Variants in COMMD1 observed in about 807,000 individuals in gnomAD.
The protein encoded by COMMD1 is COMM domain-containing protein 1.
In COMMD1, 10 loss-of-function variants were observed where a neutral mutation model predicts 17.2. That is an observed-to-expected ratio of 0.58 (90% CI 0.36 to 0.99). The LOEUF is 0.99. Ranked by LOEUF, COMMD1 falls within the 50% of genes least tolerant of loss-of-function variation. The pLI is 0.01. For synonymous variants in COMMD1, 97 were observed against 91.6 expected, an observed-to-expected ratio of 1.06 and a Z score of -0.34; for missense variants, 270 against 231.8, an observed-to-expected ratio of 1.17 and a Z score of -1.07.
At chr2:62,043,247 A>G (rs1447250438) in intron 2 of COMMD1, among the ~76,000 whole-genome samples, 1 of 152,244 alleles carries the variant, frequency 6.6e-6, no homozygotes, top group Non-Finnish European at 1.5e-5. Context: ...AGATACTTCT[A>G]CTTAACTAAT....
intron 1 of COMMD1, among the ~76,000 whole-genome samples, chr2:61,955,447 T>C (rs1671173732): frequency 6.6e-6 from 1 of 152,172 alleles, no homozygotes; most frequent in African/African-American, 2.4e-5. Context: ...ACTTCTTTTC[T>C]TTTGAACTGC....
chr2:61,913,366 CAAA>C (rs767142777), intron 1 of COMMD1, among the ~76,000 whole-genome samples: 5 of 41,986 alleles, frequency 1.2e-4, no homozygotes, highest in Admixed American at 2.7e-4. Context: ...GACTCCATCT[CAAA>C]AAAAAAAAAA....
At position 62,123,496 on chromosome 2, in the gene COMMD1, CAT is replaced by C. The variant is rs1191079039; in HGVS notation, c.463-12334_463-12333del. On this transcript the variant is annotated intron_variant, in intron 2 of 2. Transcript: ENST00000311832. Reference sequence around the variant, plus strand: ...CTCCAGCCTGGGCAACAAAGCAAGACATGTGAAAAAAAAATTAAAAAAAAAGA... The same window carrying C: ...CTCCAGCCTGGGCAACAAAGCAAGACGTGAAAAAAAAATTAAAAAAAAAGA... 7.0e-5 allele frequency among the ~76,000 whole-genome samples: 5 copies of C among 71,026 alleles called. No individual in the cohort carries two copies. The East Asian group carries it at 1.8e-3, about 26-fold the overall frequency. 46.6% of individuals were successfully genotyped at this position (71,026 alleles called of 152,430 possible).
chr2:62,114,807 G>C (rs566181048), intron 2 of COMMD1, among the ~76,000 whole-genome samples: 44 of 152,318 alleles, frequency 2.9e-4, no homozygotes, highest in Admixed American at 9.2e-4. Flanking sequence ...CGATGCATGT[G>C]TACAAGGCAG....
chr2:61,947,716 C>CTTT (rs543333587), intron 1 of COMMD1, among the ~76,000 whole-genome samples: 44 of 132,240 alleles, frequency 3.3e-4, no homozygotes, highest in African/African-American at 1.2e-3. Context: ...TTTTTTTGTA[C>CTTT]TTTTTTTTTT....
rs188873162 is a variant in COMMD1 at position 61,960,579 on chromosome 2, G to T, written c.181-40122G>T. 2.6e-3 allele frequency among the ~76,000 whole-genome samples: 397 copies of T among 152,262 alleles called. 9 individuals carry two copies. Among genetic ancestry groups the T allele is most frequent in the Admixed American group, 0.023 (355 of 15,298 alleles). On this transcript the variant is annotated intron_variant, in intron 1 of 2. Transcript: ENST00000311832. ...GGCAGTAAGTCCTTGTAGAGCTTGG[G>T]TTATGCTCCCATTGGGGGCAGTGTT... is the stretch of plus-strand genomic sequence containing the variant.
chr2:61,939,359 G>A (rs1334062862), intron 1 of COMMD1, among the ~76,000 whole-genome samples: 2 of 151,620 alleles, frequency 1.3e-5, no homozygotes, highest in Non-Finnish European at 2.9e-5. Flanking sequence ...CCAGCTACTC[G>A]GGAGGCTGAG....
At chr2:61,926,226 C>G (rs1186388507) in intron 1 of COMMD1, among the ~76,000 whole-genome samples, 2 of 152,160 alleles carry the variant, frequency 1.3e-5, no homozygotes, top group Non-Finnish European at 2.9e-5. Flanking sequence ...CTGCCTCGGC[C>G]TCCTGAATTG....
intron 2 of COMMD1, chr2:62,055,442 T>A (rs1288109540): frequency 1.3e-5 from 6 of 455,954 alleles, no homozygotes; most frequent in Non-Finnish European, 2.6e-5. Context: ...AATTACAGGT[T>A]CATTGCAACC....
intron 1 of COMMD1, among the ~76,000 whole-genome samples, chr2:61,982,560 C>T (rs977202520): frequency 6.6e-6 from 1 of 152,094 alleles, no homozygotes; most frequent in African/African-American, 2.4e-5. Context: ...TGTGGTGTTC[C>T]AGATATTAGA....
At chr2:62,106,742 T>G (rs1192233299) in intron 2 of COMMD1, among the ~76,000 whole-genome samples, 1 of 152,164 alleles carries the variant, frequency 6.6e-6, no homozygotes, top group Admixed American at 6.5e-5. Context: ...GTAGTAATTA[T>G]TGGCCATCTG....
intron 1 of COMMD1, among the ~76,000 whole-genome samples, chr2:61,963,834 G>A (rs1214816007): frequency 6.6e-6 from 1 of 152,210 alleles, no homozygotes; most frequent in African/African-American, 2.4e-5. Context: ...CCGTCAGCAT[G>A]TAGAATTGCA....
chr2:62,073,401 A>G (rs1336728675), intron 2 of COMMD1, among the ~76,000 whole-genome samples: 3 of 152,288 alleles, frequency 2.0e-5, no homozygotes, highest in Non-Finnish European at 4.4e-5. Flanking sequence ...GACCTCCACC[A>G]TCCTCTAATC....
intron 1 of COMMD1, among the ~76,000 whole-genome samples, chr2:61,910,877 G>A (rs1347011202): frequency 6.6e-6 from 1 of 151,560 alleles, no homozygotes; most frequent in Admixed American, 6.6e-5. Flanking sequence ...TGAAGTCCCT[G>A]GTTCAAGATC....
rs552446563 is a variant in COMMD1, at chr2:62,060,459, C to T, written c.462+59477C>T. Among the ~76,000 whole-genome samples the T allele has an allele frequency of 6.9e-4, 105 of 152,136 alleles. 1 individual carries two copies. The South Asian group carries it at 0.011, about 16-fold the overall frequency. On this transcript the variant is annotated intron_variant, in intron 2 of 2. Coordinates refer to ENST00000311832, the MANE Select transcript of COMMD1 (RefSeq NM_152516.4). Reference sequence around the variant, plus strand: ...ATGGTTTTTTCTTAATGTGGTAACCCGTATTTCAATATTATAACTTTTGCT... The same window carrying T: ...ATGGTTTTTTCTTAATGTGGTAACCTGTATTTCAATATTATAACTTTTGCT...
At chr2:62,128,098 C>T (rs1672932006) in intron 2 of COMMD1, among the ~76,000 whole-genome samples, 1 of 150,770 alleles carries the variant, frequency 6.6e-6, no homozygotes, top group African/African-American at 2.4e-5. Flanking sequence ...GAGGCTGAGG[C>T]AGGTGGATCA....
chr2:62,108,029 C>T (rs1310272595), intron 2 of COMMD1, among the ~76,000 whole-genome samples: 1 of 152,100 alleles, frequency 6.6e-6, no homozygotes, highest in Non-Finnish European at 1.5e-5. Context: ...CATGCCAGCC[C>T]ATAATTCTAC....
rs1445151980 is a variant in COMMD1 at position 61,911,331 on chromosome 2, C to T, written c.180+5473C>T. ...CTCTATTAAAAATACAAAAAATTAG[C>T]TGGTTGTAGCAGCAGGTGCTTATAA... On this transcript the variant is annotated intron_variant, in intron 1 of 2. Transcript: ENST00000311832. 2.6e-5 allele frequency among the ~76,000 whole-genome samples: 4 copies of T among 152,050 alleles called. No homozygotes were observed. The East Asian group carries it at 7.7e-4, about 29-fold the overall frequency.
intron 2 of COMMD1, among the ~76,000 whole-genome samples, chr2:62,007,609 C>T (rs1669156273): frequency 6.6e-6 from 1 of 152,082 alleles, no homozygotes; most frequent in Admixed American, 6.6e-5. Context: ...TAATACTTAT[C>T]ATTGTGTTGC....
Sources: gnomAD v4.1 joint callset for allele counts (sites outside exome capture counted in the v4.1 genomes callset) on GRCh38, gnomAD v4.1.1 for gene constraint, MANE v1.5 for transcripts, NCBI Gene and HGNC (gene_info 2026-07-23, HGNC 2026-07-21) for gene names.